The following NOP9 variants were observed in gnomAD, a reference collection of about 807,000 sequenced individuals.
The protein encoded by NOP9 is nucleolar protein 9.
NOP9 carries 50 observed loss-of-function variants against 63.0 expected under a neutral mutation model. The ratio of observed to expected loss-of-function variants is 0.79; its 90% CI spans 0.63 to 1.00. The LOEUF is 1.00. NOP9 is among the 50% of genes least tolerant of loss of function. NOP9 has a pLI of 0.00. For synonymous variants in NOP9, 343 were observed against 332.8 expected (o/e 1.03, Z -0.33); for missense variants, 758 against 803.0 (o/e 0.94, Z 0.68).
chr14:24,280,461 C>T, the NOP9 span, among the ~76,000 whole-genome samples: 2,165 of 152,280 alleles, frequency 0.014, 40 homozygotes, highest in African/African-American at 0.049. Flanking sequence ...GTGGGTGCAG[C>T]GCCCCACTTC....
chr14:24,292,982 T>G, the NOP9 span: 1 of 560,656 alleles, frequency 1.8e-6, no homozygotes, highest in East Asian at 3.3e-5. Context: ...CACTGACAGA[T>G]GAGAAACAGC....
At position 24,309,053 on chromosome 14, in the gene NOP9, C is replaced by T. The variant is rs1439041873; in HGVS notation, c.*3958C>T. The T allele has an allele frequency of 6.6e-6, 1 of 152,308 alleles. No individual in the cohort carries two copies. The highest frequency in any genetic ancestry group is 2.1e-4 in the South Asian group (1 of 4,836). 9.4% of individuals were successfully genotyped at this position (152,308 alleles called of 1,614,324 possible). On this transcript the variant is annotated 3_prime_UTR_variant, in exon 10 of 10. Transcript: ENST00000267425. ...ATACCCAGGTAGAACAACTCTCTCT[C>T]ACTGTCTGTTGTGAGGATACGCTGT...
chr14:24,303,616 G>C, intron 6 of NOP9, 116 bp from the exon 7 acceptor site: 34 of 1,036,624 alleles, frequency 3.3e-5, no homozygotes, highest in Non-Finnish European at 4.9e-5. Flanking sequence ...CTGCTTTCAT[G>C]GAGCTAACAT....
At position 24,304,177 on chromosome 14, in the gene NOP9, C is replaced by T; in HGVS notation, c.1547C>T (p.Ser516Phe). Residue 516 changes from serine to phenylalanine, a missense_variant, in exon 8 of 10, where the codon TCC becomes TTC. Transcript: ENST00000267425. Reference sequence around the variant, plus strand: ...GCCTTGACGGGACCACAGCTTCTGTCCCTTGCCCAAAGTCCCGCTGGCTCT... The same window carrying T: ...GCCTTGACGGGACCACAGCTTCTGTTCCTTGCCCAAAGTCCCGCTGGCTCT... The part of the protein sequence containing the change: ...LGALTGPQLL[S>F]LAQSPAGSHV... 1 of 1,614,256 alleles carries T rather than the reference C, an allele frequency of 6.2e-7. No individual in the cohort carries two copies. The highest frequency in any genetic ancestry group is 8.5e-7 in the Non-Finnish European group (1 of 1,180,044).
the NOP9 span, chr14:24,290,498 G>T: frequency 7.7e-5 from 18 of 234,770 alleles, no homozygotes; most frequent in East Asian, 2.1e-3. Flanking sequence ...TCTTGTCCTG[G>T]GGCAGAACCC....
At chr14:24,304,649 T>G (rs1350506303) in intron 9 of NOP9, 51 bp downstream of exon 9, 1 of 1,360,102 alleles carries the variant, frequency 7.4e-7, no homozygotes, top group Non-Finnish European at 1.0e-6. Flanking sequence ...CCTCTCTTAC[T>G]CCAGATCACT....
the NOP9 span, chr14:24,271,479 G>A: frequency 9.8e-6 from 2 of 203,048 alleles, no homozygotes; most frequent in Admixed American, 1.2e-4. Flanking sequence ...CCCCGCGGGC[G>A]GACCCACCTG....
intron 8 of NOP9, 89 bp downstream of exon 8, chr14:24,304,366 AG>A: frequency 7.6e-7 from 1 of 1,321,784 alleles, no homozygotes; most frequent in Non-Finnish European, 1.1e-6. Context: ...AGACTCAAAA[AG>A]GCTATGTAAT....
In NOP9 at chr14:24,300,071, C is replaced by G. The variant is rs1055102990; in HGVS notation, c.117C>G (p.Pro39=). Residue 39 remains proline, a synonymous_variant, in exon 1 of 10, where the codon CCC becomes CCG. Transcript: ENST00000267425. ...GRPLPGRKRQ[P]WPPPDGRSEP... ...CCTTACCAGGCCGTAAGCGGCAACCCTGGCCGCCTCCGGATGGGCGCTCGG... is the reference window on the plus strand; with the variant it reads ...CCTTACCAGGCCGTAAGCGGCAACCGTGGCCGCCTCCGGATGGGCGCTCGG... 6.2e-7 allele frequency: 1 copy of G among 1,612,714 alleles called. No individual in the cohort carries two copies. Among genetic ancestry groups the G allele is most frequent in the Non-Finnish European group, 8.5e-7 (1 of 1,179,764 alleles).
At chr14:24,283,673 G>T in the NOP9 span, among the ~76,000 whole-genome samples, 1 of 152,154 alleles carries the variant, frequency 6.6e-6, no homozygotes, top group Admixed American at 6.5e-5. Context: ...GAGACAGCTG[G>T]CCTCATTCCA....
Position 24,303,620 on chromosome 14 carries a change from C to A in NOP9, c.1285-112C>A, listed in dbSNP as rs1373763699. On this transcript the variant is annotated intron_variant, in intron 6 of 9. Transcript: ENST00000267425. ...AGGCATGACATCTGCTTTCATGGAGCTAACATTCTTGTGGAGTTGGGCCTT... is the reference window on the plus strand; with the variant it reads ...AGGCATGACATCTGCTTTCATGGAGATAACATTCTTGTGGAGTTGGGCCTT... The A allele has an allele frequency of 5.5e-6, 6 of 1,086,032 alleles. No individual in the cohort carries two copies. The East Asian group carries it at 9.6e-5, about 17-fold the overall frequency. 67.3% of individuals were successfully genotyped at this position (1,086,032 alleles called of 1,614,324 possible).
At chr14:24,294,406 G>A in the NOP9 span, 142,441 of 152,162 alleles carry the variant, frequency 0.94, 66,789 homozygotes, top group Non-Finnish European at 0.96. Flanking sequence ...CAGCCAACAC[G>A]GTGAAACCCC....
At chr14:24,304,460 C>T (rs2041440477) in intron 8 of NOP9, 33 bp from the exon 9 acceptor site, 2 of 1,551,202 alleles carry the variant, frequency 1.3e-6, no homozygotes, top group Admixed American at 1.9e-5. Flanking sequence ...GTGGATTTTG[C>T]TAGGGAGACC....
the NOP9 span, among the ~76,000 whole-genome samples, chr14:24,287,613 T>A: frequency 6.6e-6 from 1 of 152,208 alleles, no homozygotes; most frequent in South Asian, 2.1e-4. Context: ...CCATACTGAA[T>A]CTAAATTTAA....
In NOP9 at chr14:24,304,041, G is replaced by T. The variant is rs200458560; in HGVS notation, c.1411G>T (p.Val471Leu). 6.2e-7 allele frequency: 1 copy of T among 1,613,510 alleles called. No individual in the cohort carries two copies. The highest frequency in any genetic ancestry group is 1.3e-5 in the African/African-American group (1 of 75,040). Reference protein sequence around the residue: ...EEGAVPAEHQVAMAAARALGD... With the variant: ...EEGAVPAEHQLAMAAARALGD... ...TAATTTCTTATCTCTGCGCTGCCAG[G>T]TGGCAATGGCCGCAGCCAGAGCCTT... Residue 471 changes from valine to leucine, a missense_variant and splice_region_variant, in exon 8 of 10, where the codon GTG (valine) becomes TTG (leucine). By Grantham distance (32) the Val-to-Leu change is conservative. Transcript: ENST00000267425.
the NOP9 span, among the ~76,000 whole-genome samples, chr14:24,278,298 G>T: frequency 6.6e-6 from 1 of 152,194 alleles, no homozygotes; most frequent in Non-Finnish European, 1.5e-5. Context: ...AGGATATGTT[G>T]AGCAACAAAA....
chr14:24,271,906 A>T, the NOP9 span, among the ~76,000 whole-genome samples: 1 of 151,580 alleles, frequency 6.6e-6, no homozygotes, highest in Non-Finnish European at 1.5e-5. Flanking sequence ...GTTTCCTGTC[A>T]TTTTCTCTAA....
chr14:24,276,778 CTGTT>C, the NOP9 span, among the ~76,000 whole-genome samples: 28 of 152,272 alleles, frequency 1.8e-4, no homozygotes, highest in South Asian at 5.8e-3. Context: ...ACATTTTTTT[CTGTT>C]TAACTTTTGA....
chr14:24,299,787 C>A, upstream of NOP9: 1 of 833,418 alleles, frequency 1.2e-6, no homozygotes, highest in Non-Finnish European at 1.8e-6. Context: ...ATCTGGGTGA[C>A]ACACCCACCC....
Sources: gnomAD v4.1 joint callset for allele counts (sites outside exome capture counted in the v4.1 genomes callset) on GRCh38, gnomAD v4.1.1 for gene constraint, MANE v1.5 for transcripts, NCBI Gene and HGNC (gene_info 2026-07-23, HGNC 2026-07-21) for gene names.